SCHIP1: variants seen among roughly 807,000 people sequenced by gnomAD.
SCHIP1 encodes schwannomin interacting protein 1.
SCHIP1 carries 8 observed loss-of-function variants against 29.7 expected under a neutral mutation model. The ratio of observed to expected loss-of-function variants is 0.27; its 90% CI spans 0.16 to 0.49. SCHIP1 has a LOEUF of 0.49. SCHIP1 is among the 20% of genes least tolerant of loss of function. The pLI is 0.99. For synonymous variants in SCHIP1, 76 were observed against 94.9 expected (o/e 0.80, Z 1.16); for missense variants, 193 against 294.6 (o/e 0.66, Z 2.52).
the SCHIP1 span, among the ~76,000 whole-genome samples, chr3:159,401,999 C>A: frequency 6.6e-6 from 1 of 152,012 alleles, no homozygotes; most frequent in African/African-American, 2.4e-5. Flanking sequence ...AGGCAACCTA[C>A]AGAATGGGAG....
the SCHIP1 span, among the ~76,000 whole-genome samples, chr3:159,694,588 GAA>G: frequency 1.4e-5 from 2 of 145,120 alleles, no homozygotes; most frequent in African/African-American, 2.6e-5. Flanking sequence ...AAGAAAGAAA[GAA>G]AGAAAGAAAG....
the SCHIP1 span, among the ~76,000 whole-genome samples, chr3:159,290,098 A>G: frequency 1.3e-5 from 2 of 152,356 alleles, no homozygotes; most frequent in East Asian, 1.9e-4. Context: ...GTAATGGGGA[A>G]CTAAGTAATT....
chr3:159,291,134 G>A, the SCHIP1 span, among the ~76,000 whole-genome samples: 1 of 152,108 alleles, frequency 6.6e-6, no homozygotes, highest in African/African-American at 2.4e-5. Context: ...CACAAGGAAG[G>A]TTCCAAAGAC....
At chr3:159,482,207 T>C in the SCHIP1 span, among the ~76,000 whole-genome samples, 1 of 152,286 alleles carries the variant, frequency 6.6e-6, no homozygotes, top group African/African-American at 2.4e-5. Flanking sequence ...CAGATGTCAA[T>C]ATTGCCCCTC....
the SCHIP1 span, among the ~76,000 whole-genome samples, chr3:159,505,597 C>T: frequency 2.5e-3 from 379 of 152,210 alleles, 3 homozygotes; most frequent in African/African-American, 8.2e-3. Context: ...ACATTAGGTA[C>T]ATCTCCTAAT....
the SCHIP1 span, among the ~76,000 whole-genome samples, chr3:159,673,256 G>C: frequency 6.6e-6 from 1 of 152,162 alleles, no homozygotes; most frequent in East Asian, 1.9e-4. Context: ...GCAACAGTAA[G>C]GTACAAAGTC....
chr3:159,559,028 G>A, the SCHIP1 span, among the ~76,000 whole-genome samples: 1 of 152,194 alleles, frequency 6.6e-6, no homozygotes, highest in African/African-American at 2.4e-5. Context: ...AATGTCTTAT[G>A]TTGCCCCTTC....
the SCHIP1 span, among the ~76,000 whole-genome samples, chr3:159,523,185 TTAAACA>T: frequency 6.6e-6 from 1 of 152,224 alleles, no homozygotes; most frequent in African/African-American, 2.4e-5. Context: ...TCTATTTTTC[TTAAACA>T]TAACCATACT....
At chr3:159,571,683 A>T in the SCHIP1 span, among the ~76,000 whole-genome samples, 6 of 152,318 alleles carry the variant, frequency 3.9e-5, no homozygotes, top group South Asian at 1.0e-3. Flanking sequence ...ATTGATTGGA[A>T]TAGTTTCAGA....
chr3:159,376,260 T>C, the SCHIP1 span, among the ~76,000 whole-genome samples: 3 of 152,178 alleles, frequency 2.0e-5, no homozygotes, highest in Non-Finnish European at 4.4e-5. Context: ...CATACAGCTT[T>C]TCATGCTTTA....
At chr3:159,546,601 T>C in the SCHIP1 span, among the ~76,000 whole-genome samples, 1 of 152,140 alleles carries the variant, frequency 6.6e-6, no homozygotes, top group Non-Finnish European at 1.5e-5. Flanking sequence ...GGCCCTGGTG[T>C]GTGATGTTCC....
chr3:159,432,318 G>A, the SCHIP1 span, among the ~76,000 whole-genome samples: 1 of 106,390 alleles, frequency 9.4e-6, no homozygotes, highest in Non-Finnish European at 2.3e-5. Flanking sequence ...GTGTGTGTGT[G>A]TGTGTGTGTG....
the SCHIP1 span, among the ~76,000 whole-genome samples, chr3:159,752,695 A>G: frequency 6.6e-6 from 1 of 152,164 alleles, no homozygotes; most frequent in Non-Finnish European, 1.5e-5. Flanking sequence ...TTACGAGAAC[A>G]GCACCAAGGG....
chr3:159,719,215 C>A, the SCHIP1 span, among the ~76,000 whole-genome samples: 1 of 152,150 alleles, frequency 6.6e-6, no homozygotes, highest in Admixed American at 6.5e-5. Flanking sequence ...TTCCTTATAC[C>A]TCATACAAAA....
At chr3:159,334,138 T>G in the SCHIP1 span, among the ~76,000 whole-genome samples, 2 of 152,186 alleles carry the variant, frequency 1.3e-5, no homozygotes, top group Non-Finnish European at 2.9e-5. Flanking sequence ...AATATGTCAT[T>G]AAAGAATCAT....
At chr3:159,556,949 T>G in the SCHIP1 span, among the ~76,000 whole-genome samples, 1 of 151,310 alleles carries the variant, frequency 6.6e-6, no homozygotes, top group South Asian at 2.1e-4. Context: ...ATAAAAAAAT[T>G]TAAAAAAAAA....
At chr3:159,329,422 C>T in the SCHIP1 span, among the ~76,000 whole-genome samples, 20 of 152,192 alleles carry the variant, frequency 1.3e-4, no homozygotes, top group South Asian at 1.7e-3. Context: ...AGATGGTCTC[C>T]GGTGTGGTCA....
At chr3:159,835,657 C>T (rs1434965084), upstream of SCHIP1, among the ~76,000 whole-genome samples, 3 of 152,110 alleles carry the variant, frequency 2.0e-5, no homozygotes, top group Admixed American at 6.5e-5. Flanking sequence ...CAAAGAAATG[C>T]ACATATCTTA....
chr3:159,766,736 G>A, the SCHIP1 span, among the ~76,000 whole-genome samples: 6 of 152,160 alleles, frequency 3.9e-5, no homozygotes, highest in South Asian at 6.2e-4. Context: ...TGCCAGGGAT[G>A]GTTCTGAGTG....
Sources: allele counts gnomAD v4.1 joint callset (sites outside exome capture counted in the v4.1 genomes callset), GRCh38; gene constraint gnomAD v4.1.1; transcripts MANE v1.5; gene names NCBI Gene and HGNC (gene_info 2026-07-23, HGNC 2026-07-21).